DENND2B: variants seen among roughly 807,000 people sequenced by gnomAD.
DENND2B encodes DENN domain containing 2B.
Under a neutral mutation model 116.0 loss-of-function variants are expected in DENND2B, and 32 were observed. The ratio of observed to expected loss-of-function variants is 0.28; its 90% CI spans 0.21 to 0.37. The LOEUF (loss-of-function observed/expected upper bound fraction) is 0.37. DENND2B is among the 10% of genes least tolerant of loss of function. The pLI, the probability that DENND2B is intolerant of heterozygous loss-of-function variation, is 1.00. For synonymous variants in DENND2B, 588 were observed against 583.9 expected (o/e 1.01, Z -0.10); for missense variants, 1,276 against 1,477.7 (o/e 0.86, Z 2.24).
chr11:8,787,566 C>T (rs553367365), intron 1 of DENND2B, among the ~76,000 whole-genome samples: 3 of 152,296 alleles, frequency 2.0e-5, no homozygotes, highest in Non-Finnish European at 2.9e-5. Context: ...TCTCTCAACA[C>T]TAAAACTCAT....
intron 1 of DENND2B, among the ~76,000 whole-genome samples, chr11:8,768,562 G>A (rs1049714913): frequency 6.6e-6 from 1 of 152,188 alleles, no homozygotes; most frequent in Non-Finnish European, 1.5e-5. Flanking sequence ...ATTTTCTAAT[G>A]TGGTTTGTAA....
At chr11:8,866,728 C>T (rs2063594071) in intron 2 of DENND2B, among the ~76,000 whole-genome samples, 1 of 152,156 alleles carries the variant, frequency 6.6e-6, no homozygotes, top group Admixed American at 6.5e-5. Context: ...ATTCCAGGAA[C>T]TTCTGAATAA....
chr11:8,802,249 C>T (rs1411651445), intron 1 of DENND2B, among the ~76,000 whole-genome samples: 4 of 150,186 alleles, frequency 2.7e-5, no homozygotes, highest in African/African-American at 9.8e-5. Context: ...TGCAGTGAGC[C>T]GAGATCGTGC....
chr11:8,841,279 TA>T (rs200095170), intron 3 of DENND2B, among the ~76,000 whole-genome samples: 9 of 150,200 alleles, frequency 6.0e-5, no homozygotes, highest in South Asian at 2.1e-4. Flanking sequence ...TCCCTTTGCC[TA>T]AAAAAAAAAT....
chr11:8,867,088 C>T (rs2063607049), intron 2 of DENND2B, among the ~76,000 whole-genome samples: 1 of 152,158 alleles, frequency 6.6e-6, no homozygotes, highest in Non-Finnish European at 1.5e-5. Context: ...AGTGAGCCCT[C>T]CTGCTAGGGG....
chr11:8,887,831 C>T (rs1253283846), intron 1 of DENND2B, among the ~76,000 whole-genome samples: 1 of 152,200 alleles, frequency 6.6e-6, no homozygotes, highest in African/African-American at 2.4e-5. Context: ...ATTTGAGCCA[C>T]CTCAACCCTG....
intron 2 of DENND2B, 65 bp downstream of exon 2, chr11:8,750,556 T>C: frequency 7.3e-7 from 1 of 1,376,818 alleles, no homozygotes; most frequent in Non-Finnish European, 1.0e-6. Context: ...ATTTACATTT[T>C]GGAGGGATCC....
At chr11:8,843,244 G>GTGAT (rs1421241162) in intron 3 of DENND2B, among the ~76,000 whole-genome samples, 3 of 152,078 alleles carry the variant, frequency 2.0e-5, no homozygotes, top group Non-Finnish European at 4.4e-5. Flanking sequence ...CTGACCTCAG[G>GTGAT]TGATTCGCCC....
At chr11:8,810,859 T>C (rs895102561), upstream of DENND2B, 2 of 152,810 alleles carry the variant, frequency 1.3e-5, no homozygotes, top group African/African-American at 4.9e-5. Flanking sequence ...GAGGCTTCCA[T>C]GAAACAGCAC....
intron 1 of DENND2B, among the ~76,000 whole-genome samples, chr11:8,903,339 C>A (rs2064193466): frequency 6.6e-6 from 1 of 151,658 alleles, no homozygotes; most frequent in Non-Finnish European, 1.5e-5. Flanking sequence ...ATCACTTGAA[C>A]CTGGGAGGCG....
chr11:8,733,272 C>T (rs1426513899), intron 2 of DENND2B, among the ~76,000 whole-genome samples: 6 of 152,170 alleles, frequency 3.9e-5, no homozygotes, highest in Non-Finnish European at 8.8e-5. Context: ...TTAGGTCTCT[C>T]TTATTTTATA....
At chr11:8,847,473 T>C (rs948590267) in intron 3 of DENND2B, among the ~76,000 whole-genome samples, 2 of 151,894 alleles carry the variant, frequency 1.3e-5, no homozygotes, top group Non-Finnish European at 2.9e-5. Context: ...GTAAATACAA[T>C]ACAAATAAAA....
In DENND2B at chr11:8,790,408, G is replaced by T. The variant is rs184965908; in HGVS notation, c.-26+20109C>A. Among the ~76,000 whole-genome samples the T allele has an allele frequency of 1.6e-3, 237 of 152,212 alleles. 1 individual carries two copies. The highest frequency in any genetic ancestry group is 5.3e-3 in the African/African-American group (221 of 41,534). On this transcript the variant is annotated intron_variant, in intron 1 of 19. Coordinates refer to ENST00000313726, the MANE Select transcript of DENND2B (RefSeq NM_213618.2). ...ATATGTCTGTGCGCTGGTCCTGCAG[G>T]GGCCTAACGAATGTATGCTGATTGG... is the stretch of plus-strand genomic sequence containing the variant.
At chr11:8,885,782 AG>A (rs2063953761) in intron 1 of DENND2B, among the ~76,000 whole-genome samples, 1 of 152,198 alleles carries the variant, frequency 6.6e-6, no homozygotes. Context: ...GAAGAAATTC[AG>A]TGGTGGGTTC....
At chr11:8,822,913 T>C (rs1296026177) in intron 4 of DENND2B, among the ~76,000 whole-genome samples, 1 of 152,162 alleles carries the variant, frequency 6.6e-6, no homozygotes, top group Non-Finnish European at 1.5e-5. Context: ...CAGAAAAGAA[T>C]ATATAAAAAG....
intron 1 of DENND2B, among the ~76,000 whole-genome samples, chr11:8,797,251 T>A (rs975634905): frequency 6.6e-6 from 1 of 152,208 alleles, no homozygotes; most frequent in African/African-American, 2.4e-5. Context: ...AACACAATGC[T>A]TAGAACAGAG....
chr11:8,732,276 A>G (rs1188225583), intron 2 of DENND2B, among the ~76,000 whole-genome samples: 2 of 152,270 alleles, frequency 1.3e-5, no homozygotes, highest in Non-Finnish European at 2.9e-5. Context: ...AACTCATTTA[A>G]TCTTCCTGAA....
intron 16 of DENND2B, among the ~76,000 whole-genome samples, chr11:8,698,337 T>C (rs2040832018): frequency 6.6e-6 from 1 of 151,984 alleles, no homozygotes; most frequent in Non-Finnish European, 1.5e-5. Context: ...TAGACTGTTG[T>C]TTCGTCTCTA....
intron 1 of DENND2B, among the ~76,000 whole-genome samples, chr11:8,807,290 G>A (rs914147876): frequency 2.6e-5 from 4 of 152,230 alleles, no homozygotes; most frequent in African/African-American, 9.6e-5. Context: ...CCCACAGGGA[G>A]GTGCTTCAGA....
Sources: gnomAD v4.1 joint callset for allele counts (sites outside exome capture counted in the v4.1 genomes callset) on GRCh38, gnomAD v4.1.1 for gene constraint, MANE v1.5 for transcripts, NCBI Gene and HGNC (gene_info 2026-07-23, HGNC 2026-07-21) for gene names.